ESRRB: variants seen among roughly 807,000 people sequenced by gnomAD.
ESRRB encodes the protein estrogen related receptor beta.
Under a neutral mutation model 46.0 loss-of-function variants are expected in ESRRB, and 16 were observed. The observed-to-expected ratio is 0.35, with a 90% CI of 0.24 to 0.53. The LOEUF (loss-of-function observed/expected upper bound fraction) is 0.53, where lower values mean the gene tolerates loss of function less well. ESRRB is among the 20% of genes least tolerant of loss of function. The pLI is 0.93. For synonymous variants in ESRRB, 246 were observed against 259.6 expected, an observed-to-expected ratio of 0.95 and a Z score of 0.50; for missense variants, 488 against 607.4, an observed-to-expected ratio of 0.80 and a Z score of 2.07.
intron 1 of ESRRB, among the ~76,000 whole-genome samples, chr14:76,381,203 C>G (rs1397994278): frequency 2.0e-4 from 30 of 152,076 alleles, no homozygotes; most frequent in Admixed American, 2.0e-3. Context: ...CGTCCCTGCG[C>G]GGGGAGGTTG....
In ESRRB at chr14:76,480,149, G is replaced by A. The variant is rs1293114669; in HGVS notation, c.578-1867G>A. The stretch of plus-strand genomic sequence containing the variant: ...GCTGGGATTACAGGGGTGAGCCACC[G>A]CACCTGACCAGGGGAATTACCTTTA... On this transcript the variant is annotated intron_variant, in intron 3 of 6. Coordinates refer to ENST00000644823, the MANE Select transcript of ESRRB (RefSeq NM_001379180.1). Among the ~76,000 whole-genome samples, 6 of 152,296 alleles carry A rather than the reference G, an allele frequency of 3.9e-5. No homozygotes were observed. The South Asian group carries it at 1.0e-3, about 26-fold the overall frequency.
chr14:76,354,967 T>C (rs919758427), intron 1 of ESRRB, among the ~76,000 whole-genome samples: 4 of 151,956 alleles, frequency 2.6e-5, no homozygotes, highest in Non-Finnish European at 4.4e-5. Flanking sequence ...CACCTCAGCC[T>C]CCCAGATTGC....
At chr14:76,323,629 G>A (rs954080762) in intron 1 of ESRRB, among the ~76,000 whole-genome samples, 3 of 152,134 alleles carry the variant, frequency 2.0e-5, no homozygotes, top group African/African-American at 7.2e-5. Flanking sequence ...TTTTCATAAG[G>A]AGCCCACTCA....
At chr14:76,484,859 T>C (rs1380355371) in intron 5 of ESRRB, among the ~76,000 whole-genome samples, 3 of 152,190 alleles carry the variant, frequency 2.0e-5, no homozygotes, top group Non-Finnish European at 4.4e-5. Context: ...TCAGTGTCCT[T>C]GTCTGTAAAA....
intron 1 of ESRRB, among the ~76,000 whole-genome samples, chr14:76,355,125 C>T (rs1334291480): frequency 6.6e-6 from 1 of 152,180 alleles, no homozygotes; most frequent in Non-Finnish European, 1.5e-5. Context: ...CCTTCCTCCT[C>T]GGATGGGTCT....
At chr14:76,434,474 A>T (rs1887583766) in intron 1 of ESRRB, among the ~76,000 whole-genome samples, 3 of 151,722 alleles carry the variant, frequency 2.0e-5, no homozygotes, top group South Asian at 4.2e-4. Flanking sequence ...AGCATAGCGA[A>T]CCCCTGTCTC....
At chr14:76,367,294 C>A (rs551865135), upstream of ESRRB, among the ~76,000 whole-genome samples, 6 of 152,170 alleles carry the variant, frequency 3.9e-5, no homozygotes, top group African/African-American at 1.4e-4. Context: ...GTGGCTCATG[C>A]CTGTAATCCC....
intron 1 of ESRRB, among the ~76,000 whole-genome samples, chr14:76,429,370 G>C (rs1887336023): frequency 6.6e-6 from 1 of 152,164 alleles, no homozygotes; most frequent in African/African-American, 2.4e-5. Context: ...CCAGAAAAGT[G>C]TTACCTATTG....
At chr14:76,446,209 T>TC (rs1888138636) in intron 2 of ESRRB, among the ~76,000 whole-genome samples, 1 of 152,202 alleles carries the variant, frequency 6.6e-6, no homozygotes, top group South Asian at 2.1e-4. Flanking sequence ...GACGGCCTGA[T>TC]CCACAAAACC....
At chr14:76,397,565 C>T (rs1885744570) in intron 1 of ESRRB, among the ~76,000 whole-genome samples, 1 of 152,094 alleles carries the variant, frequency 6.6e-6, no homozygotes, top group African/African-American at 2.4e-5. Flanking sequence ...AAAGTAATTC[C>T]AAAATAGATT....
At chr14:76,414,318 C>G (rs900597553) in intron 1 of ESRRB, among the ~76,000 whole-genome samples, 2 of 148,318 alleles carry the variant, frequency 1.3e-5, no homozygotes, top group African/African-American at 2.5e-5. Flanking sequence ...TTATTTTGCT[C>G]CCGAGTTTCT....
chr14:76,449,313 A>G (rs1197468536), intron 2 of ESRRB, among the ~76,000 whole-genome samples: 1 of 152,160 alleles, frequency 6.6e-6, no homozygotes, highest in African/African-American at 2.4e-5. Flanking sequence ...GCACTTTGGG[A>G]GGCCGAGGCG....
chr14:76,358,403 GAAAGAAAGAAAA>G (rs1884422623), intron 1 of ESRRB, among the ~76,000 whole-genome samples: 10 of 122,148 alleles, frequency 8.2e-5, no homozygotes, highest in African/African-American at 2.8e-4. Context: ...AAGAAAGAAA[GAAAGAAAGAAAA>G]GAAAAGAAAA....
intron 1 of ESRRB, among the ~76,000 whole-genome samples, chr14:76,437,629 AG>A (rs1887730418): frequency 6.6e-6 from 1 of 151,980 alleles, no homozygotes; most frequent in African/African-American, 2.4e-5. Context: ...CTACCTCCAT[AG>A]GGGGAGGCTC....
At chr14:76,445,394 C>T (rs2139947597) in intron 2 of ESRRB, among the ~76,000 whole-genome samples, 1 of 148,030 alleles carries the variant, frequency 6.8e-6, no homozygotes, top group South Asian at 2.2e-4. Flanking sequence ...TTGCTTGAAC[C>T]CGGGAGGCAG....
At chr14:76,453,079 G>T (rs1246578464) in intron 2 of ESRRB, among the ~76,000 whole-genome samples, 1 of 152,372 alleles carries the variant, frequency 6.6e-6, no homozygotes, top group African/African-American at 2.4e-5. Context: ...GGGGGGCAAG[G>T]CCCAGCAATC....
rs540505890 is a variant in ESRRB at position 76,323,023 on chromosome 14, G to A, written c.2+12107G>A. 7.9e-5 allele frequency among the ~76,000 whole-genome samples: 12 copies of A among 152,232 alleles called. No individual in the cohort carries two copies. The South Asian group carries it at 2.5e-3, about 32-fold the overall frequency. On this transcript the variant is annotated intron_variant, in intron 1 of 6. Transcript: ENST00000512784. Reference sequence around the variant, plus strand: ...TGCTGGCTTCACTTTCTGTCCAGGGGCTCCCACAGCCTGTAGTCTCCCTTC... The same window carrying A: ...TGCTGGCTTCACTTTCTGTCCAGGGACTCCCACAGCCTGTAGTCTCCCTTC...
At chr14:76,341,549 G>A (rs981332682) in intron 1 of ESRRB, among the ~76,000 whole-genome samples, 1 of 152,218 alleles carries the variant, frequency 6.6e-6, no homozygotes, top group Non-Finnish European at 1.5e-5. Flanking sequence ...GGCCTCCAGG[G>A]TCTCAGGCCA....
intron 1 of ESRRB, among the ~76,000 whole-genome samples, chr14:76,329,707 G>A (rs1307816782): frequency 6.6e-6 from 1 of 152,040 alleles, no homozygotes; most frequent in African/African-American, 2.4e-5. Context: ...ACATGCACAC[G>A]CTGCCCTGCC....
Sources: allele counts gnomAD v4.1 joint callset (sites outside exome capture counted in the v4.1 genomes callset), GRCh38; gene constraint gnomAD v4.1.1; transcripts MANE v1.5; gene names NCBI Gene and HGNC (gene_info 2026-07-23, HGNC 2026-07-21).